The following MALRD1 variants were observed in gnomAD, a reference collection of about 807,000 sequenced individuals.
MALRD1 encodes the protein MAM and LDL-receptor class A domain-containing protein 1.
In MALRD1, 247 loss-of-function variants were observed where a neutral mutation model predicts 242.1. The observed-to-expected ratio is 1.02, with a 90% CI of 0.92 to 1.13. The LOEUF is 1.13. Ranked by LOEUF, MALRD1 falls within the 50% of genes most tolerant of loss-of-function variation. MALRD1 has a pLI of 0.00. For synonymous variants in MALRD1, 995 were observed against 866.6 expected, an observed-to-expected ratio of 1.15 and a Z score of -2.60; for missense variants, 2,989 against 2,533.1, an observed-to-expected ratio of 1.18 and a Z score of -3.86.
chr10:19,612,493 A>G (rs139359989), intron 35 of MALRD1, among the ~76,000 whole-genome samples: 35 of 152,018 alleles, frequency 2.3e-4, no homozygotes, highest in African/African-American at 7.5e-4. Context: ...CTATACTGCA[A>G]CTTCCCTCCT....
chr10:19,278,882 G>A (rs1840668587), intron 19 of MALRD1, among the ~76,000 whole-genome samples: 1 of 152,158 alleles, frequency 6.6e-6, no homozygotes. Flanking sequence ...GATATAATAA[G>A]CAAATGATAT....
At chr10:19,108,913 A>T (rs923668936) in intron 5 of MALRD1, among the ~76,000 whole-genome samples, 1 of 151,974 alleles carries the variant, frequency 6.6e-6, no homozygotes, top group African/African-American at 2.4e-5. Context: ...CCCTATGTTG[A>T]TATCTGTGCA....
intron 18 of MALRD1, among the ~76,000 whole-genome samples, chr10:19,232,059 T>G (rs1838103319): frequency 6.6e-6 from 1 of 152,046 alleles, no homozygotes; most frequent in Non-Finnish European, 1.5e-5. Flanking sequence ...TTAGGGGAAG[T>G]AGGGTGAGGG....
rs769595078 is a variant in MALRD1, at chr10:19,205,002, A to G, written c.2315A>G (p.Lys772Arg). The G allele has an allele frequency of 2.6e-6, 4 of 1,550,766 alleles. No homozygotes were observed. The highest frequency in any genetic ancestry group is 2.6e-6 in the Non-Finnish European group (3 of 1,147,056). ...TGGAGAGTATTATACAATCAGGGCAAACAATGGTTGGAGGCAACCATTCAG... is the reference window on the plus strand; with the variant it reads ...TGGAGAGTATTATACAATCAGGGCAGACAATGGTTGGAGGCAACCATTCAG... ...VIWRVLYNQG[K>R]QWLEATIQLG... The change falls in exon 17 of 40, where the codon AAA becomes AGA. Residue 772 changes from lysine to arginine, a missense_variant. Coordinates refer to ENST00000454679, the MANE Select transcript of MALRD1 (RefSeq NM_001142308.3).
chr10:19,467,799 TA>T (rs1355378760), intron 29 of MALRD1, among the ~76,000 whole-genome samples: 8 of 50,586 alleles, frequency 1.6e-4, no homozygotes, highest in Admixed American at 2.3e-4. Context: ...TTAATTAAAA[TA>T]ATTTTTTTTT....
chr10:19,556,093 A>G (rs1385706823), intron 32 of MALRD1, among the ~76,000 whole-genome samples: 1 of 152,122 alleles, frequency 6.6e-6, no homozygotes. Flanking sequence ...GTATTTTTAA[A>G]ATTTACTTTT....
At chr10:19,241,828 T>G (rs1225024067) in intron 18 of MALRD1, among the ~76,000 whole-genome samples, 1 of 152,156 alleles carries the variant, frequency 6.6e-6, no homozygotes, top group Non-Finnish European at 1.5e-5. Flanking sequence ...ATTTCTTGGG[T>G]GCATGCTATT....
chr10:19,075,478 G>T (rs1274512179), intron 2 of MALRD1, among the ~76,000 whole-genome samples: 1 of 152,006 alleles, frequency 6.6e-6, no homozygotes, highest in Non-Finnish European at 1.5e-5. Flanking sequence ...TGACCTCATT[G>T]CTGGCTTTGG....
At chr10:19,104,496 C>G (rs913467940) in intron 5 of MALRD1, among the ~76,000 whole-genome samples, 2 of 152,010 alleles carry the variant, frequency 1.3e-5, no homozygotes, top group Non-Finnish European at 2.9e-5. Context: ...TCTATTTTGA[C>G]ACATCAATAA....
intron 32 of MALRD1, among the ~76,000 whole-genome samples, chr10:19,564,181 C>T (rs1836153826): frequency 1.3e-5 from 2 of 152,148 alleles, no homozygotes; most frequent in African/African-American, 2.4e-5. Context: ...TGGAACTTAA[C>T]ACTCATATTT....
intron 18 of MALRD1, among the ~76,000 whole-genome samples, chr10:19,234,682 TC>T (rs1222399964): frequency 6.6e-6 from 1 of 152,118 alleles, no homozygotes; most frequent in Admixed American, 6.6e-5. Context: ...AATCTTTTGT[TC>T]CTTGAAAATA....
intron 14 of MALRD1, among the ~76,000 whole-genome samples, chr10:19,202,209 AG>A (rs112548153): frequency 0.074 from 11,301 of 152,118 alleles, 509 homozygotes; most frequent in African/African-American, 0.12. Flanking sequence ...TTGCATATTA[AG>A]TGTAGATGTG....
At position 19,417,943 on chromosome 10, in the gene MALRD1, G is replaced by A. The variant is rs1196048034; in HGVS notation, c.4845+28334G>A. The stretch of plus-strand genomic sequence containing the variant: ...TTTACTGAGTTAATGAGTGCCTACG[G>A]TGCACTGGGGTTACAACAGCAAACC... On this transcript the variant is annotated intron_variant, in intron 28 of 39. Coordinates refer to ENST00000454679, the MANE Select transcript of MALRD1 (RefSeq NM_001142308.3). 2.6e-5 allele frequency among the ~76,000 whole-genome samples: 4 copies of A among 151,838 alleles called. No homozygotes were observed. In the East Asian group the frequency reaches 7.7e-4, roughly 29 times the overall value.
chr10:19,223,699 C>T lies in MALRD1; in HGVS notation c.2991+14019C>T, dbSNP rs1053732293. Among the ~76,000 whole-genome samples, 3 of 152,142 alleles carry T rather than the reference C, an allele frequency of 2.0e-5. No homozygotes were observed. In the South Asian group the frequency reaches 6.2e-4, roughly 32 times the overall value. ...TCTCCTAATGCTATCCCTCCTCTTTCCTTCCTACCCACTGACAGGCCCCAG... is the reference window on the plus strand; with the variant it reads ...TCTCCTAATGCTATCCCTCCTCTTTTCTTCCTACCCACTGACAGGCCCCAG... On this transcript the variant is annotated intron_variant, in intron 18 of 39. Transcript: ENST00000454679.
At chr10:19,695,558 T>C (rs983548505) in intron 38 of MALRD1, among the ~76,000 whole-genome samples, 12 of 148,540 alleles carry the variant, frequency 8.1e-5, no homozygotes, top group African/African-American at 2.7e-4. Context: ...CTCACTCTGT[T>C]GCCCAGGCTG....
intron 32 of MALRD1, among the ~76,000 whole-genome samples, chr10:19,540,194 A>C (rs1220982857): frequency 6.6e-6 from 1 of 151,732 alleles, no homozygotes; most frequent in African/African-American, 2.4e-5. Flanking sequence ...TGTTTCCGGA[A>C]CCCCTTCTTT....
At chr10:19,195,747 GA>G (rs1353252211) in intron 14 of MALRD1, among the ~76,000 whole-genome samples, 1 of 151,838 alleles carries the variant, frequency 6.6e-6, no homozygotes, top group Admixed American at 6.6e-5. Context: ...GCTAGAGATG[GA>G]AAAACAAAAA....
intron 2 of MALRD1, among the ~76,000 whole-genome samples, chr10:19,077,473 T>G (rs1452378232): frequency 1.3e-5 from 2 of 151,922 alleles, no homozygotes; most frequent in Non-Finnish European, 2.9e-5. Flanking sequence ...GGAAACTATT[T>G]TAAGTATTGA....
chr10:19,317,449 CATT>C (rs1842754462), intron 21 of MALRD1, among the ~76,000 whole-genome samples: 1 of 151,930 alleles, frequency 6.6e-6, no homozygotes, highest in Non-Finnish European at 1.5e-5. Flanking sequence ...GGACTCTAAA[CATT>C]CAGACCATAG....
Sources: gnomAD v4.1 joint callset for allele counts (sites outside exome capture counted in the v4.1 genomes callset) on GRCh38, gnomAD v4.1.1 for gene constraint, MANE v1.5 for transcripts, NCBI Gene and HGNC (gene_info 2026-07-23, HGNC 2026-07-21) for gene names.